NAALAD2: variants seen among roughly 807,000 people sequenced by gnomAD.
The protein encoded by NAALAD2 is N-acetylated-alpha-linked acidic dipeptidase 2.
NAALAD2 carries 89 observed loss-of-function variants against 95.6 expected under a neutral mutation model. The ratio of observed to expected loss-of-function variants is 0.93; its 90% CI spans 0.78 to 1.11. NAALAD2 has a LOEUF of 1.11. Among genes scored for constraint, NAALAD2 ranks in the 50% least tolerant of loss-of-function variants. The probability of loss-of-function intolerance (pLI) is 0.00; values close to 1 mark genes in which losing one functional copy is unlikely to be tolerated. For synonymous variants in NAALAD2, 264 were observed against 294.4 expected (o/e 0.90, Z 1.06); for missense variants, 894 against 872.4 (o/e 1.02, Z -0.31).
chr11:90,173,241 G>A (rs1246411577), intron 13 of NAALAD2, among the ~76,000 whole-genome samples: 1 of 152,058 alleles, frequency 6.6e-6, no homozygotes, highest in Non-Finnish European at 1.5e-5. Context: ...CTGAGGTTAT[G>A]TAGAGTTTTT....
chr11:90,178,290 T>G (rs1315531636), intron 16 of NAALAD2, among the ~76,000 whole-genome samples, 173 bp downstream of exon 16: 1 of 152,230 alleles, frequency 6.6e-6, no homozygotes, highest in Non-Finnish European at 1.5e-5. Context: ...TGATTTAATC[T>G]GGCATGTATA....
intron 2 of NAALAD2, among the ~76,000 whole-genome samples, chr11:90,137,109 GA>G: frequency 6.6e-6 from 1 of 152,218 alleles, no homozygotes; most frequent in East Asian, 1.9e-4. Context: ...GCCAGGCACA[GA>G]AAGACACATA....
chr11:90,184,012 G>A (rs2134987986), intron 18 of NAALAD2, among the ~76,000 whole-genome samples: 1 of 152,090 alleles, frequency 6.6e-6, no homozygotes, highest in South Asian at 2.1e-4. Context: ...TCTAAAACTG[G>A]TTCTCTGGTG....
At chr11:90,157,021 T>C in intron 6 of NAALAD2, among the ~76,000 whole-genome samples, 1 of 152,196 alleles carries the variant, frequency 6.6e-6, no homozygotes, top group East Asian at 1.9e-4. Flanking sequence ...ATATGGTCTC[T>C]GTAATACATA....
intron 6 of NAALAD2, among the ~76,000 whole-genome samples, chr11:90,155,822 ATG>A (rs940561167): frequency 8.7e-6 from 1 of 115,194 alleles, no homozygotes; most frequent in African/African-American, 3.8e-5. Context: ...TATAATATAT[ATG>A]TAATATATGT....
At chr11:90,155,075 T>C (rs1352342463) in intron 6 of NAALAD2, among the ~76,000 whole-genome samples, 2 of 114,364 alleles carry the variant, frequency 1.7e-5, no homozygotes, top group Non-Finnish European at 3.1e-5. Flanking sequence ...TATGTATATA[T>C]GTGTGTATAT....
Position 90,149,066 on chromosome 11 carries a change from G to T in NAALAD2, c.442G>T (p.Val148Leu). The change falls in exon 4 of 19, where the codon GTG becomes TTG. Residue 148 changes from valine to leucine, a missense_variant. Coordinates refer to ENST00000534061, the MANE Select transcript of NAALAD2 (RefSeq NM_005467.4). ...PDGYENVTNI[V>L]PPYNAFSAQG... ...TGGCTATGAGAATGTTACAAATATT[G>T]TGCCACCATATAATGCTTTCTCAGC... 1.9e-6 allele frequency: 3 copies of T among 1,606,550 alleles called. No individual in the cohort carries two copies. The highest frequency in any genetic ancestry group is 1.7e-6 in the Non-Finnish European group (2 of 1,176,640).
intron 8 of NAALAD2, among the ~76,000 whole-genome samples, 180 bp downstream of exon 8, chr11:90,159,517 C>T (rs1773860252): frequency 6.6e-6 from 1 of 152,106 alleles, no homozygotes; most frequent in African/African-American, 2.4e-5. Context: ...AGCAGCATCA[C>T]AATATTAGTT....
intron 2 of NAALAD2, among the ~76,000 whole-genome samples, chr11:90,146,720 G>A (rs1342317369): frequency 3.3e-5 from 5 of 152,056 alleles, no homozygotes; most frequent in African/African-American, 9.7e-5. Context: ...TAAGAACTAT[G>A]TTTGTGGGGT....
In NAALAD2 at chr11:90,160,143, T is replaced by C. The variant is rs1952254799; in HGVS notation, c.989+806T>C. On this transcript the variant is annotated intron_variant, in intron 8 of 18. Coordinates refer to ENST00000534061, the MANE Select transcript of NAALAD2 (RefSeq NM_005467.4). ...TACAATTATTACTGTTATTAATACA[T>C]GATAATACTCTTCTAGAAGAGATGT... 2.6e-5 allele frequency among the ~76,000 whole-genome samples: 4 copies of C among 152,248 alleles called. No individual in the cohort carries two copies. In the South Asian group the frequency reaches 8.3e-4, roughly 32 times the overall value.
intron 18 of NAALAD2, among the ~76,000 whole-genome samples, chr11:90,187,244 C>T (rs1037835637): frequency 6.6e-6 from 1 of 151,850 alleles, no homozygotes; most frequent in Non-Finnish European, 1.5e-5. Flanking sequence ...CTAGTTCAAC[C>T]ATTGTGGAAG....
chr11:90,152,825 T>C (rs189825261), intron 6 of NAALAD2, among the ~76,000 whole-genome samples: 7 of 152,224 alleles, frequency 4.6e-5, no homozygotes, highest in African/African-American at 1.7e-4. Flanking sequence ...TTTTTAAAAA[T>C]ACAATAGATA....
chr11:90,167,994 A>G (rs927985065), intron 11 of NAALAD2, among the ~76,000 whole-genome samples: 5 of 152,136 alleles, frequency 3.3e-5, no homozygotes, highest in African/African-American at 4.8e-5. Context: ...CACGTTGTGA[A>G]AGATTTGTTC....
chr11:90,164,026 T>A lies in NAALAD2; in HGVS notation c.1278+409T>A, dbSNP rs139982399. The A allele has an allele frequency of 6.7e-4, 201 of 299,276 alleles. 2 individuals are homozygous for A. The East Asian group carries it at 0.012, about 18-fold the overall frequency. The allele number at this position is 299,276 out of a possible 1,614,324, so 18.5% of individuals were successfully genotyped here. On this transcript the variant is annotated intron_variant, in intron 11 of 18. Coordinates refer to ENST00000534061, the MANE Select transcript of NAALAD2 (RefSeq NM_005467.4). Reference sequence around the variant, plus strand: ...TTCTTCCATCTGAGAAAATATAAGATGTTCTATTAAGATGGCCATATATTG... The same window carrying A: ...TTCTTCCATCTGAGAAAATATAAGAAGTTCTATTAAGATGGCCATATATTG...
chr11:90,137,671 T>C lies in NAALAD2; in HGVS notation c.194+2001T>C, dbSNP rs187185964. The stretch of plus-strand genomic sequence containing the variant: ...CAGGCTGGAGTACAGTGGTGCAATC[T>C]CAGCTCACTGCAACCTCCATGTCCT... On this transcript the variant is annotated intron_variant, in intron 2 of 18. Transcript: ENST00000534061. 1.5e-3 allele frequency among the ~76,000 whole-genome samples: 233 copies of C among 152,302 alleles called. 1 individual carries two copies. The highest frequency in any genetic ancestry group is 5.2e-3 in the African/African-American group (216 of 41,554).
intron 11 of NAALAD2, among the ~76,000 whole-genome samples, chr11:90,165,048 C>G (rs1163907940): frequency 1.3e-5 from 2 of 152,120 alleles, no homozygotes; most frequent in African/African-American, 2.4e-5. Flanking sequence ...TTAACTCCCA[C>G]TTATAAGTGA....
At chr11:90,173,422 G>A (rs1286807109) in intron 13 of NAALAD2, among the ~76,000 whole-genome samples, 1 of 152,054 alleles carries the variant, frequency 6.6e-6, no homozygotes, top group Non-Finnish European at 1.5e-5. Context: ...GGTCTTATTA[G>A]GCAAAAATAA....
intron 18 of NAALAD2, among the ~76,000 whole-genome samples, chr11:90,184,195 G>A (rs1423016277): frequency 6.6e-6 from 1 of 152,046 alleles, no homozygotes; most frequent in East Asian, 1.9e-4. Flanking sequence ...AGGTTTATAT[G>A]TTACCTTTCT....
chr11:90,138,241 T>G (rs11018870), intron 2 of NAALAD2, among the ~76,000 whole-genome samples: 30,366 of 151,964 alleles, frequency 0.2, 3,545 homozygotes, highest in Admixed American at 0.33. Context: ...TAGATTTTCA[T>G]GAAGGTCTTC....
Sources: gnomAD v4.1 joint callset for allele counts (sites outside exome capture counted in the v4.1 genomes callset) on GRCh38, gnomAD v4.1.1 for gene constraint, MANE v1.5 for transcripts, NCBI Gene and HGNC (gene_info 2026-07-23, HGNC 2026-07-21) for gene names.